Variants in MET observed in about 807,000 individuals in gnomAD.
MET encodes MET proto-oncogene, receptor tyrosine kinase.
MET carries 48 observed loss-of-function variants against 133.1 expected under a neutral mutation model. That is an observed-to-expected ratio of 0.36 (90% CI 0.29 to 0.46). The LOEUF (loss-of-function observed/expected upper bound fraction) is 0.46. MET is among the 20% of genes least tolerant of loss of function. The probability of loss-of-function intolerance (pLI) is 1.00; values close to 1 mark genes in which losing one functional copy is unlikely to be tolerated. For synonymous variants in MET, 628 were observed against 616.5 expected, an observed-to-expected ratio of 1.02 and a Z score of -0.28; for missense variants, 1,442 against 1,695.9, an observed-to-expected ratio of 0.85 and a Z score of 2.63.
intron 5 of MET, among the ~76,000 whole-genome samples, chr7:116,748,330 A>G (rs1181917342): frequency 6.6e-6 from 1 of 152,236 alleles, no homozygotes; most frequent in Admixed American, 6.5e-5. Flanking sequence ...CTGAATGACT[A>G]CTGACTACTC....
intron 5 of MET, among the ~76,000 whole-genome samples, chr7:116,754,938 A>G: frequency 7.1e-6 from 1 of 139,866 alleles, no homozygotes; most frequent in Non-Finnish European, 1.6e-5. Context: ...AAAGAAAGAA[A>G]GAAAGAAAGA....
chr7:116,693,803 A>G (rs1203616054), intron 1 of MET, among the ~76,000 whole-genome samples: 1 of 152,210 alleles, frequency 6.6e-6, no homozygotes, highest in Non-Finnish European at 1.5e-5. Context: ...TTAGATGCTT[A>G]TAAGTGTTTG....
intron 16 of MET, 104 bp from the exon 17 acceptor site, chr7:116,778,672 G>C: frequency 8.3e-7 from 1 of 1,198,660 alleles, no homozygotes; most frequent in South Asian, 1.3e-5. Context: ...AGGACAAGAT[G>C]CTAACTGTGT....
In MET at chr7:116,699,401, A is replaced by G; in HGVS notation, c.317A>G (p.Asn106Ser). The change falls in exon 2 of 21, where the codon AAT becomes AGT. Residue 106 changes from asparagine to serine, a missense_variant. Asn to Ser is a conservative substitution (Grantham distance 46). Coordinates refer to ENST00000397752, the MANE Select transcript of MET (RefSeq NM_000245.4). ...TGTCAGGACTGCAGCAGCAAAGCCAATTTATCAGGAGGTGTTTGGAAAGAT... is the reference window on the plus strand; with the variant it reads ...TGTCAGGACTGCAGCAGCAAAGCCAGTTTATCAGGAGGTGTTTGGAAAGAT... ...FPCQDCSSKA[N>S]LSGGVWKDNI... 1 of 1,614,046 alleles carries G rather than the reference A, an allele frequency of 6.2e-7. No homozygotes were observed. The highest frequency in any genetic ancestry group is 8.5e-7 in the Non-Finnish European group (1 of 1,179,952).
In MET at chr7:116,741,225, G is replaced by A. The variant is rs1311172244; in HGVS notation, c.1701+200G>A. ...TGGCTTTATCCCTCGGGCAGGGAGGGGGTGGTGTTTGGGCATCCCCCCAAG... is the reference window on the plus strand; with the variant it reads ...TGGCTTTATCCCTCGGGCAGGGAGGAGGTGGTGTTTGGGCATCCCCCCAAG... On this transcript the variant is annotated intron_variant, in intron 5 of 20. Coordinates refer to ENST00000397752, the MANE Select transcript of MET (RefSeq NM_000245.4). The A allele has an allele frequency of 7.9e-6, 5 of 631,622 alleles. No homozygotes were observed. The East Asian group carries it at 1.5e-4, about 19-fold the overall frequency. The allele number at this position is 631,622 out of a possible 1,614,324, so 39.1% of individuals were successfully genotyped here.
chr7:116,765,797 G>A (rs915342452), intron 11 of MET, among the ~76,000 whole-genome samples: 1 of 152,152 alleles, frequency 6.6e-6, no homozygotes, highest in African/African-American at 2.4e-5. Flanking sequence ...GTGGACCCAT[G>A]AGGTTGGGAG....
chr7:116,729,735 T>G (rs895636369), intron 2 of MET, among the ~76,000 whole-genome samples: 1 of 152,182 alleles, frequency 6.6e-6, no homozygotes, highest in Non-Finnish European at 1.5e-5. Flanking sequence ...CTTAGGACAG[T>G]CAAGAACCAA....
At chr7:116,768,994 T>C (rs781069869) in intron 11 of MET, among the ~76,000 whole-genome samples, 2 of 152,228 alleles carry the variant, frequency 1.3e-5, no homozygotes, top group Non-Finnish European at 2.9e-5. Flanking sequence ...GCTCTCAAAT[T>C]ATAATAGTCA....
intron 10 of MET, 94 bp downstream of exon 10, chr7:116,759,584 T>C (rs1794317152): frequency 7.1e-7 from 1 of 1,412,612 alleles, no homozygotes; most frequent in African/African-American, 1.4e-5. Context: ...CAGTTTCGCC[T>C]TTAAGGTTTG....
Position 116,795,660 on chromosome 7 carries a change from C to T in MET, c.3804C>T (p.Ser1268=), listed in dbSNP as rs764822445. ...CCTGTTTCTTGTTTTACTAGTGGTCCTTTGGCGTGCTCCTCTGGGAGCTGA... is the reference window on the plus strand; with the variant it reads ...CCTGTTTCTTGTTTTACTAGTGGTCTTTTGGCGTGCTCCTCTGGGAGCTGA... ...QKFTTKSDVW[S]FGVLLWELMT... is the part of the protein sequence containing the mutation. Residue 1268 remains serine (S), a synonymous_variant, in exon 20 of 21, where the codon TCC becomes TCT. Coordinates refer to ENST00000397752, the MANE Select transcript of MET (RefSeq NM_000245.4). 1 of 1,613,818 alleles carries T rather than the reference C, an allele frequency of 6.2e-7. No homozygotes were observed. Among genetic ancestry groups the T allele is most frequent in the Non-Finnish European group, 8.5e-7 (1 of 1,180,008 alleles).
At chr7:116,788,387 A>G (rs973532811) in intron 19 of MET, among the ~76,000 whole-genome samples, 2 of 152,216 alleles carry the variant, frequency 1.3e-5, no homozygotes, top group Non-Finnish European at 2.9e-5. Context: ...ATTTATAAAA[A>G]AAGAGCCTGA....
At chr7:116,763,300 A>G (rs1345451155) in intron 11 of MET, 32 bp downstream of exon 11, 2 of 1,585,118 alleles carry the variant, frequency 1.3e-6, no homozygotes, top group Admixed American at 3.4e-5. Flanking sequence ...GTCTTAAATC[A>G]TCAGCTCAAA....
intron 1 of MET, among the ~76,000 whole-genome samples, chr7:116,688,147 C>A (rs1796625905): frequency 1.3e-5 from 2 of 152,188 alleles, no homozygotes; most frequent in African/African-American, 4.8e-5. Flanking sequence ...TGTCTCCCTT[C>A]AGTGGTTCAC....
intron 5 of MET, among the ~76,000 whole-genome samples, chr7:116,748,555 A>G (rs1413753927): frequency 6.6e-6 from 1 of 152,208 alleles, no homozygotes. Flanking sequence ...TAACATCACA[A>G]TTGAAAGAAC....
intron 2 of MET, among the ~76,000 whole-genome samples, chr7:116,705,720 T>G (rs1223636171): frequency 2.0e-5 from 3 of 152,176 alleles, no homozygotes; most frequent in Non-Finnish European, 4.4e-5. Flanking sequence ...TAAAAGGTTA[T>G]TAATTTTACA....
At chr7:116,727,995 T>C (rs1792857929) in intron 2 of MET, among the ~76,000 whole-genome samples, 1 of 152,226 alleles carries the variant, frequency 6.6e-6, no homozygotes, top group African/African-American at 2.4e-5. Context: ...AGCCAGTCCC[T>C]GATGCCTTGA....
At chr7:116,717,641 T>C (rs1018892619) in intron 2 of MET, among the ~76,000 whole-genome samples, 95 of 152,156 alleles carry the variant, frequency 6.2e-4, no homozygotes, top group African/African-American at 2.2e-3. Flanking sequence ...GAGAGAAAGG[T>C]GATACAAGTG....
In MET at chr7:116,771,935, A is replaced by G. The variant is rs774433287; in HGVS notation, c.2974A>G (p.Thr992Ala). The G allele has an allele frequency of 8.7e-6, 14 of 1,613,828 alleles. No homozygotes were observed. The highest frequency in any genetic ancestry group is 1.1e-5 in the South Asian group (1 of 91,082). ...RLVSARSVSPTTEMVSNESVD... is the reference protein window; with the variant it reads ...RLVSARSVSPATEMVSNESVD... The stretch of plus-strand genomic sequence containing the variant: ...TGTAAGTGCCCGAAGTGTAAGCCCA[A>G]CTACAGAAATGGTTTCAAATGAATC... The change falls in exon 14 of 21, where the codon ACT (threonine) becomes GCT (alanine). Residue 992 changes from threonine (T) to alanine (A), a missense_variant. By Grantham distance (58) the Thr-to-Ala change is moderately conservative. Around this residue, in one of 6 missense-constraint regions of MET, gnomAD observed 514 missense variants for 659.6 expected, o/e 0.78. Transcript: ENST00000397752.
chr7:116,758,054 T>G (rs953551447), intron 8 of MET, among the ~76,000 whole-genome samples: 21 of 152,182 alleles, frequency 1.4e-4, no homozygotes, highest in Admixed American at 5.9e-4. Context: ...TACTATGAGC[T>G]GTGAGAGTCT....
Sources: allele counts gnomAD v4.1 joint callset (sites outside exome capture counted in the v4.1 genomes callset), GRCh38; gene constraint gnomAD v4.1.1; regional missense constraint gnomAD v4.1.1; transcripts MANE v1.5; gene names NCBI Gene and HGNC (gene_info 2026-07-23, HGNC 2026-07-21).